The following TTLL11 variants were observed in gnomAD, a reference collection of about 807,000 sequenced individuals.
TTLL11 encodes the protein tubulin polyglutamylase TTLL11.
In TTLL11, 42 loss-of-function variants were observed where a neutral mutation model predicts 51.7. The observed-to-expected ratio is 0.81, with a 90% CI of 0.64 to 1.05. The LOEUF (loss-of-function observed/expected upper bound fraction) is 1.05. TTLL11 is among the 50% of genes least tolerant of loss of function. The probability of loss-of-function intolerance (pLI) is 0.00; values close to 1 mark genes in which losing one functional copy is unlikely to be tolerated. For synonymous variants in TTLL11, 381 were observed against 383.5 expected, an observed-to-expected ratio of 0.99 and a Z score of 0.08; for missense variants, 799 against 940.4, an observed-to-expected ratio of 0.85 and a Z score of 1.97.
chr9:122,010,257 T>C lies in TTLL11; in HGVS notation c.694-20487A>G, dbSNP rs192792522. 1.8e-3 allele frequency among the ~76,000 whole-genome samples: 277 copies of C among 152,286 alleles called. 1 individual carries two copies. Among genetic ancestry groups the C allele is most frequent in the Non-Finnish European group, 3.3e-3 (222 of 68,018 alleles). On this transcript the variant is annotated intron_variant, in intron 3 of 8. Transcript: ENST00000321582. ...TTGTATTAAGTGAAAATGAAAACCA[T>C]GTCGACTCCCTCCCTTTATAAAAAT...
chr9:121,903,139 G>A (rs543507289), intron 6 of TTLL11, among the ~76,000 whole-genome samples: 1 of 152,276 alleles, frequency 6.6e-6, no homozygotes, highest in Non-Finnish European at 1.5e-5. Flanking sequence ...AAACTGCACT[G>A]TATTTCACAT....
chr9:121,902,661 C>T (rs1338285052), intron 6 of TTLL11, among the ~76,000 whole-genome samples: 1 of 150,330 alleles, frequency 6.7e-6, no homozygotes, highest in Non-Finnish European at 1.5e-5. Flanking sequence ...CGTGCCTGTA[C>T]TGAGTTTGAG....
intron 1 of TTLL11, among the ~76,000 whole-genome samples, chr9:122,071,554 G>T (rs997118708): frequency 4.6e-5 from 7 of 152,238 alleles, no homozygotes; most frequent in African/African-American, 1.7e-4. Context: ...GGTCCCTAGA[G>T]AGGAGAGACA....
rs184548344 is a variant in TTLL11, at chr9:121,933,343, C to T, written c.1481+40666G>A. On this transcript the variant is annotated intron_variant, in intron 6 of 8. Coordinates refer to ENST00000321582, the MANE Select transcript of TTLL11 (RefSeq NM_001139442.2). ...AGAGTAGTGGAGAATGGGGAGCAAACGGGTTTTCAGCACAAGAAACTACAT... is the reference window on the plus strand; with the variant it reads ...AGAGTAGTGGAGAATGGGGAGCAAATGGGTTTTCAGCACAAGAAACTACAT... Among the ~76,000 whole-genome samples the T allele has an allele frequency of 4.8e-4, 73 of 152,160 alleles. 2 individuals carry two copies. In the East Asian group the frequency reaches 0.011, roughly 24 times the overall value.
rs187507948 is a variant in TTLL11, at chr9:121,930,372, G to C, written c.1481+43637C>G. Among the ~76,000 whole-genome samples the C allele has an allele frequency of 2.9e-3, 441 of 152,324 alleles. 2 individuals carry two copies. The highest frequency in any genetic ancestry group is 4.1e-3 in the Non-Finnish European group (276 of 68,032). ...TTGAGCTCTTTTACTCAAATAGTTT[G>C]AAGCCTTAAGGGAGTAGCCCCAAAT... On this transcript the variant is annotated intron_variant, in intron 6 of 8. Transcript: ENST00000321582.
At chr9:121,840,690 C>A (rs1241725584) in intron 8 of TTLL11, among the ~76,000 whole-genome samples, 2 of 152,190 alleles carry the variant, frequency 1.3e-5, no homozygotes, top group East Asian at 3.9e-4. Context: ...GCCACCATGC[C>A]CAGCTGATCA....
chr9:121,870,726 A>G lies in TTLL11; in HGVS notation c.1504T>C (p.Phe502Leu). The change falls in exon 7 of 9, where the codon TTC becomes CTC. Residue 502 changes from phenylalanine (F) to leucine (L), a missense_variant. Coordinates refer to ENST00000321582, the MANE Select transcript of TTLL11 (RefSeq NM_001139442.2). ...ENQSQQLEKP[F>L]AGKEDALDGE... ...TCCAAAGCATCTTCCTTTCCAGCGA[A>G]TGGTTTTTCAAGCTGCTGAGACCTG... 1 of 1,548,636 alleles carries G rather than the reference A, an allele frequency of 6.5e-7. No homozygotes were observed. Among genetic ancestry groups the G allele is most frequent in the Non-Finnish European group, 8.7e-7 (1 of 1,144,750 alleles).
chr9:121,846,306 G>T (rs1837514586), intron 8 of TTLL11, among the ~76,000 whole-genome samples: 1 of 152,068 alleles, frequency 6.6e-6, no homozygotes, highest in South Asian at 2.1e-4. Flanking sequence ...GAACTACAAA[G>T]AAAAATAGAT....
At chr9:121,888,630 C>A (rs906839693) in intron 6 of TTLL11, among the ~76,000 whole-genome samples, 12 of 152,214 alleles carry the variant, frequency 7.9e-5, no homozygotes, top group African/African-American at 2.9e-4. Context: ...AAATTAGACA[C>A]AGACACATTA....
intron 1 of TTLL11, among the ~76,000 whole-genome samples, chr9:122,063,216 G>A (rs529788306): frequency 2.6e-4 from 39 of 152,208 alleles, no homozygotes; most frequent in African/African-American, 9.1e-4. Context: ...AACAAAATAG[G>A]CATAAATACA....
intron 3 of TTLL11, among the ~76,000 whole-genome samples, chr9:122,023,408 AAATTT>A (rs1289040911): frequency 6.6e-6 from 1 of 151,976 alleles, no homozygotes; most frequent in Non-Finnish European, 1.5e-5. Flanking sequence ...CTCTTCTAGA[AAATTT>A]AAAAGTAGAA....
intron 1 of TTLL11, among the ~76,000 whole-genome samples, chr9:122,069,330 G>A (rs1305448667): frequency 6.6e-6 from 1 of 152,138 alleles, no homozygotes; most frequent in African/African-American, 2.4e-5. Flanking sequence ...CAAAGCGTGC[G>A]TGGCCAGTTT....
At chr9:121,965,611 G>A (rs111552244) in intron 6 of TTLL11, among the ~76,000 whole-genome samples, 2 of 152,234 alleles carry the variant, frequency 1.3e-5, no homozygotes, top group East Asian at 1.9e-4. Flanking sequence ...AATTTCAACT[G>A]GAGGTCAGCA....
chr9:121,838,761 A>AAAGCAAGC (rs1251274149), intron 8 of TTLL11, among the ~76,000 whole-genome samples: 5 of 86,998 alleles, frequency 5.7e-5, no homozygotes, highest in Non-Finnish European at 1.4e-4. Context: ...AGAAAGAGAG[A>AAAGCAAGC]AAGCAAGCAA....
intron 6 of TTLL11, among the ~76,000 whole-genome samples, chr9:121,943,218 C>T (rs1337631206): frequency 6.6e-6 from 1 of 152,130 alleles, no homozygotes; most frequent in Non-Finnish European, 1.5e-5. Context: ...TAGGGATTCC[C>T]AAAGGTTTCT....
At chr9:121,949,052 T>C (rs977369725) in intron 6 of TTLL11, among the ~76,000 whole-genome samples, 1 of 152,104 alleles carries the variant, frequency 6.6e-6, no homozygotes, top group Non-Finnish European at 1.5e-5. Context: ...AATGTTTGTG[T>C]CACCATTGCA....
intron 3 of TTLL11, among the ~76,000 whole-genome samples, chr9:121,993,572 G>A (rs993322336): frequency 2.6e-5 from 4 of 152,232 alleles, no homozygotes; most frequent in Non-Finnish European, 4.4e-5. Context: ...CGAAGGCTGC[G>A]TTACAAACAC....
chr9:121,978,537 T>C (rs181133607), intron 4 of TTLL11, among the ~76,000 whole-genome samples: 190 of 152,220 alleles, frequency 1.2e-3, no homozygotes, highest in African/African-American at 4.0e-3. Context: ...CAGCTTAGCA[T>C]GGGGAAAGCC....
chr9:121,857,331 C>G (rs1014288374), intron 8 of TTLL11, among the ~76,000 whole-genome samples: 2 of 152,220 alleles, frequency 1.3e-5, no homozygotes, highest in Non-Finnish European at 2.9e-5. Flanking sequence ...TGAACAAGCA[C>G]TGCTTGGTGT....
Sources: allele counts gnomAD v4.1 joint callset (sites outside exome capture counted in the v4.1 genomes callset), GRCh38; gene constraint gnomAD v4.1.1; transcripts MANE v1.5; gene names NCBI Gene and HGNC (gene_info 2026-07-23, HGNC 2026-07-21).